The following ALAS2 variants were observed in gnomAD, a reference collection of about 807,000 sequenced individuals.
The protein encoded by ALAS2 is 5'-aminolevulinate synthase 2.
Under a neutral mutation model 33.7 loss-of-function variants are expected in ALAS2, and 3 were observed. The observed-to-expected ratio is 0.09, with a 90% CI of 0.04 to 0.23. ALAS2 has a LOEUF of 0.23. ALAS2 is among the 10% of genes least tolerant of loss of function. The pLI is 1.00. For missense variants in ALAS2, 304 were observed against 475.1 expected, an observed-to-expected ratio of 0.64 and a Z score of 3.35; for synonymous variants, 191 against 177.3, an observed-to-expected ratio of 1.08 and a Z score of -0.61.
chrX:55,022,143 A>C (rs1935814263), intron 4 of ALAS2, among the ~76,000 whole-genome samples: 1 of 112,344 alleles, frequency 8.9e-6, no homozygotes, highest in Admixed American at 9.4e-5. Context: ...AACGTTTGCC[A>C]AAGAGCTTGT....
chrX:55,018,707 A>C (rs1188087775), intron 6 of ALAS2, among the ~76,000 whole-genome samples: 1 of 111,471 alleles, frequency 9.0e-6, no homozygotes, highest in Non-Finnish European at 1.9e-5. Context: ...GAACTTTAGA[A>C]GCTGTGATAA....
intron 10 of ALAS2, 34 bp downstream of exon 10, chrX:55,013,452 G>A: frequency 2.5e-6 from 3 of 1,181,839 alleles, no homozygotes; most frequent in African/African-American, 3.5e-5. Context: ...CTGAGGGGAG[G>A]GAGGTCCTGT....
intron 10 of ALAS2, among the ~76,000 whole-genome samples, 189 bp downstream of exon 10, chrX:55,013,297 A>G (rs186549363): frequency 1.8e-5 from 2 of 111,251 alleles, no homozygotes; most frequent in Admixed American, 1.9e-4. Flanking sequence ...GGTATCCCCA[A>G]CCAAACTGGA....
intron 8 of ALAS2, 60 bp downstream of exon 8, chrX:55,015,518 G>T: frequency 8.4e-7 from 1 of 1,188,243 alleles, no homozygotes; most frequent in Non-Finnish European, 1.1e-6. Context: ...AGGCAGAAAA[G>T]AATTTTGTAA....
At chrX:55,015,826 A>T in intron 7 of ALAS2, 84 bp from the exon 8 acceptor site, 2 of 1,094,075 alleles carry the variant, frequency 1.8e-6, no homozygotes, top group East Asian at 3.1e-5. Flanking sequence ...ATACATGCCT[A>T]CTTTGGGTTG....
intron 4 of ALAS2, among the ~76,000 whole-genome samples, chrX:55,022,462 A>G (rs1166237389): frequency 2.7e-5 from 3 of 112,095 alleles, no homozygotes; most frequent in African/African-American, 9.7e-5. Context: ...ATTCTTAATC[A>G]GGAAAAATAA....
chrX:55,025,410 C>A (rs1371260083), intron 2 of ALAS2, among the ~76,000 whole-genome samples: 1 of 111,497 alleles, frequency 9.0e-6, no homozygotes, highest in Non-Finnish European at 1.9e-5. Flanking sequence ...TCTTGGCTCA[C>A]TGCAACCTCC....
At chrX:55,019,488 G>T (rs1935762601) in intron 6 of ALAS2, among the ~76,000 whole-genome samples, 1 of 110,795 alleles carries the variant, frequency 9.0e-6, no homozygotes, top group African/African-American at 3.3e-5. Flanking sequence ...GGAGGAGGGG[G>T]TGTGGGAAGG....
intron 5 of ALAS2, 87 bp from the exon 6 acceptor site, chrX:55,020,591 A>T: frequency 1.1e-6 from 1 of 914,995 alleles, no homozygotes; most frequent in South Asian, 2.2e-5. Context: ...CCTTGATGGG[A>T]GTCAATGTTG....
At chrX:55,018,274 A>G (rs888161200) in intron 6 of ALAS2, among the ~76,000 whole-genome samples, 2 of 111,846 alleles carry the variant, frequency 1.8e-5, no homozygotes, top group African/African-American at 3.3e-5. Flanking sequence ...TTACTGGGCA[A>G]TCCTGGTGGG....
intron 7 of ALAS2, among the ~76,000 whole-genome samples, 179 bp downstream of exon 7, chrX:55,017,307 A>G (rs1370482872): frequency 1.8e-5 from 2 of 112,493 alleles, no homozygotes; most frequent in African/African-American, 6.5e-5. Flanking sequence ...CACCTATCAC[A>G]TAGAATTGTT....
At chrX:55,014,034 G>A (rs1279122618) in intron 9 of ALAS2, among the ~76,000 whole-genome samples, 1 of 111,536 alleles carries the variant, frequency 9.0e-6, no homozygotes, top group Admixed American at 9.5e-5. Context: ...CATAAAATGA[G>A]TGTTTAAAGG....
At chrX:55,030,532 C>T (rs1935977977) in intron 1 of ALAS2, among the ~76,000 whole-genome samples, 1 of 110,773 alleles carries the variant, frequency 9.0e-6, no homozygotes, top group African/African-American at 3.3e-5. Flanking sequence ...AAATATTAAG[C>T]CATCGTTCTT....
intron 2 of ALAS2, among the ~76,000 whole-genome samples, chrX:55,025,583 C>T (rs952922243): frequency 1.2e-4 from 13 of 111,542 alleles, no homozygotes; most frequent in Non-Finnish European, 1.5e-4. Context: ...CCACTCGCCT[C>T]GGCCTCCCAA....
chrX:55,010,290 C>A (rs1362936703), intron 10 of ALAS2, among the ~76,000 whole-genome samples: 1 of 111,819 alleles, frequency 8.9e-6, no homozygotes, highest in Non-Finnish European at 1.9e-5. Context: ...CCTGCTTCCA[C>A]CCTTGCTCCC....
intron 4 of ALAS2, among the ~76,000 whole-genome samples, chrX:55,022,899 A>G (rs1397980082): frequency 8.9e-6 from 1 of 112,072 alleles, no homozygotes; most frequent in Non-Finnish European, 1.9e-5. Context: ...AAAAGGGCAC[A>G]GAGTAAAATA....
At chrX:55,026,147 A>G in intron 1 of ALAS2, 132 bp from the exon 2 acceptor site, 1 of 552,803 alleles carries the variant, frequency 1.8e-6, no homozygotes, top group Non-Finnish European at 3.0e-6. Context: ...TTCCAGGGAA[A>G]GAACTTCTTT....
At chrX:55,029,743 G>C (rs1011813767) in intron 1 of ALAS2, among the ~76,000 whole-genome samples, 12 of 111,770 alleles carry the variant, frequency 1.1e-4, no homozygotes, top group African/African-American at 3.6e-4. Flanking sequence ...TGCTTGCCAG[G>C]CATCTTCTTA....
chrX:55,010,548 C>T (rs988246934), intron 10 of ALAS2, among the ~76,000 whole-genome samples: 2 of 111,114 alleles, frequency 1.8e-5, no homozygotes, highest in African/African-American at 3.3e-5. Context: ...AAAAGGAATA[C>T]TCCTGTGTCT....
Sources: allele counts gnomAD v4.1 joint callset (sites outside exome capture counted in the v4.1 genomes callset), GRCh38; gene constraint gnomAD v4.1.1; transcripts MANE v1.5; gene names NCBI Gene and HGNC (gene_info 2026-07-23, HGNC 2026-07-21).